Variants in MYO3A observed in about 807,000 individuals in gnomAD.
MYO3A encodes the protein myosin-IIIa.
MYO3A carries 180 observed loss-of-function variants against 192.7 expected under a neutral mutation model. That is an observed-to-expected ratio of 0.93 (90% CI 0.83 to 1.06). The LOEUF is 1.06. MYO3A is among the 50% of genes least tolerant of loss of function. MYO3A has a pLI of 0.00. For synonymous variants in MYO3A, 628 were observed against 645.3 expected (o/e 0.97, Z 0.41); for missense variants, 1,896 against 1,905.0 (o/e 1.00, Z 0.09).
Position 25,968,702 on chromosome 10 carries a change from T to G in MYO3A, c.303+13694T>G, listed in dbSNP as rs1838414201. 1.1e-4 allele frequency among the ~76,000 whole-genome samples: 16 copies of G among 152,352 alleles called. 1 individual carries two copies. The South Asian group carries it at 3.3e-3, about 32-fold the overall frequency. ...CAGTCACCTGTGGTCAACCACTGTT[T>G]GAAAATATTAAATGGGAAATTCCAG... On this transcript the variant is annotated intron_variant, in intron 4 of 34. Transcript: ENST00000642920.
chr10:26,166,182 A>ATT lies in MYO3A; in HGVS notation c.3111+5_3111+6insTT, dbSNP rs1222660060. 2 of 1,587,184 alleles carry ATT rather than the reference A, an allele frequency of 1.3e-6. No homozygotes were observed. Among genetic ancestry groups the ATT allele is most frequent in the Non-Finnish European group, 8.7e-7 (1 of 1,156,000 alleles). On this transcript the variant is annotated splice_donor_region_variant and intron_variant, in intron 27 of 34. Coordinates refer to ENST00000642920, the MANE Select transcript of MYO3A (RefSeq NM_017433.5). ...CTGGGCTCTTGGAAAAACAAAAGTA[A>ATT]TGTTTTCATGTAATTTTCAGGAAAA...
intron 10 of MYO3A, among the ~76,000 whole-genome samples, chr10:26,034,602 A>C (rs1842944263): frequency 6.6e-6 from 1 of 152,192 alleles, no homozygotes; most frequent in South Asian, 2.1e-4. Flanking sequence ...AAACTGGATA[A>C]TGATAGCTCC....
chr10:26,052,966 A>G (rs1300024674), intron 10 of MYO3A, among the ~76,000 whole-genome samples: 4 of 152,212 alleles, frequency 2.6e-5, no homozygotes, highest in Non-Finnish European at 4.4e-5. Flanking sequence ...TACAGAGTAA[A>G]TGAAAAATAT....
At position 26,146,513 on chromosome 10, in the gene MYO3A, T is replaced by C. The variant is rs139023703; in HGVS notation, c.2506-917T>C. Among the ~76,000 whole-genome samples, 446 of 152,272 alleles carry C rather than the reference T, an allele frequency of 2.9e-3. 3 individuals carry two copies. The highest frequency in any genetic ancestry group is 9.2e-3 in the African/African-American group (381 of 41,562). Reference sequence around the variant, plus strand: ...CATCTGGGAGGCCTCTCTTCCTGGCTTGAAGATGGCTACCTTCTCAAGGTG... The same window carrying C: ...CATCTGGGAGGCCTCTCTTCCTGGCCTGAAGATGGCTACCTTCTCAAGGTG... On this transcript the variant is annotated intron_variant, in intron 22 of 34. Coordinates refer to ENST00000642920, the MANE Select transcript of MYO3A (RefSeq NM_017433.5).
At chr10:26,033,411 T>C (rs1212385337) in intron 10 of MYO3A, among the ~76,000 whole-genome samples, 2 of 152,108 alleles carry the variant, frequency 1.3e-5, no homozygotes, top group Admixed American at 6.6e-5. Context: ...CCACCACTTA[T>C]CTCATTATGC....
chr10:26,150,160 T>C (rs1010995575), intron 23 of MYO3A, among the ~76,000 whole-genome samples: 3 of 152,190 alleles, frequency 2.0e-5, no homozygotes, highest in African/African-American at 7.2e-5. Flanking sequence ...GGTGAGTGAC[T>C]GATTTTTTAA....
intron 6 of MYO3A, among the ~76,000 whole-genome samples, chr10:26,006,991 T>G (rs1236478764): frequency 7.1e-6 from 1 of 141,404 alleles, no homozygotes; most frequent in Non-Finnish European, 1.5e-5. Flanking sequence ...AATAAAATAC[T>G]GGCAAACCGA....
intron 17 of MYO3A, among the ~76,000 whole-genome samples, chr10:26,109,758 G>A (rs988677364): frequency 3.9e-5 from 6 of 152,098 alleles, no homozygotes; most frequent in Admixed American, 1.3e-4. Context: ...ACTCTTTCCT[G>A]GCTACTTTTA....
chr10:26,057,010 A>C (rs1834150281), intron 10 of MYO3A, among the ~76,000 whole-genome samples: 1 of 152,220 alleles, frequency 6.6e-6, no homozygotes, highest in Non-Finnish European at 1.5e-5. Flanking sequence ...ATTTCAAGAC[A>C]GTAGATCAAT....
intron 31 of MYO3A, among the ~76,000 whole-genome samples, chr10:26,188,728 AT>A (rs1842980139): frequency 6.6e-6 from 1 of 152,184 alleles, no homozygotes. Flanking sequence ...TCCCAGCACC[AT>A]TTATTAAATA....
Position 26,003,155 on chromosome 10 carries a change from G to T in MYO3A, c.508+5897G>T, listed in dbSNP as rs186764079. Reference sequence around the variant, plus strand: ...GCCTCCTAAGATTGGTTGCTGTGAAGAATAAATGGGATGCCAGAGGCAAAC... The same window carrying T: ...GCCTCCTAAGATTGGTTGCTGTGAATAATAAATGGGATGCCAGAGGCAAAC... On this transcript the variant is annotated intron_variant, in intron 6 of 34. Coordinates refer to ENST00000642920, the MANE Select transcript of MYO3A (RefSeq NM_017433.5). Among the ~76,000 whole-genome samples the T allele has an allele frequency of 6.3e-4, 96 of 152,212 alleles. No homozygotes were observed. In the Middle Eastern group the frequency reaches 0.02, roughly 32 times the overall value.
chr10:26,080,238 TG>T, intron 14 of MYO3A, among the ~76,000 whole-genome samples: 1 of 152,300 alleles, frequency 6.6e-6, no homozygotes. Flanking sequence ...CTTTTTTCTT[TG>T]TCTTTGTTGG....
At chr10:26,104,317 G>A (rs1323099983) in intron 17 of MYO3A, among the ~76,000 whole-genome samples, 1 of 152,064 alleles carries the variant, frequency 6.6e-6, no homozygotes, top group Non-Finnish European at 1.5e-5. Flanking sequence ...TAGTTGTATA[G>A]TTTTAGCTCT....
At chr10:26,139,164 CTCT>C (rs772044597) in intron 20 of MYO3A, among the ~76,000 whole-genome samples, 13 of 152,148 alleles carry the variant, frequency 8.5e-5, no homozygotes, top group Non-Finnish European at 2.9e-5. Flanking sequence ...AAAATCTATC[CTCT>C]TAAGTAAATA....
At chr10:25,995,023 G>A (rs557265315) in intron 4 of MYO3A, among the ~76,000 whole-genome samples, 8 of 152,202 alleles carry the variant, frequency 5.3e-5, no homozygotes, top group East Asian at 1.9e-4. Flanking sequence ...TCTTTGTGGC[G>A]TTCTCTGTAT....
At chr10:26,167,681 G>A (rs1178137840) in intron 27 of MYO3A, among the ~76,000 whole-genome samples, 1 of 152,132 alleles carries the variant, frequency 6.6e-6, no homozygotes, top group African/African-American at 2.4e-5. Flanking sequence ...TAAACAGATT[G>A]AATTTTAAAT....
At chr10:26,042,583 T>G (rs941901658) in intron 10 of MYO3A, among the ~76,000 whole-genome samples, 1 of 152,190 alleles carries the variant, frequency 6.6e-6, no homozygotes, top group Admixed American at 6.5e-5. Context: ...CTTAGTCAAA[T>G]CTACTGTTAA....
chr10:26,033,883 T>G (rs1341259393), intron 10 of MYO3A, among the ~76,000 whole-genome samples: 1 of 152,054 alleles, frequency 6.6e-6, no homozygotes, highest in Non-Finnish European at 1.5e-5. Flanking sequence ...AGCAAAATCA[T>G]AAAATCAAGG....
intron 14 of MYO3A, among the ~76,000 whole-genome samples, chr10:26,075,275 TA>T (rs1257632573): frequency 2.0e-5 from 3 of 151,778 alleles, no homozygotes; most frequent in Admixed American, 6.6e-5. Context: ...AATTTTTATT[TA>T]TTTTTTTTAA....
Sources: allele counts gnomAD v4.1 joint callset (sites outside exome capture counted in the v4.1 genomes callset), GRCh38; gene constraint gnomAD v4.1.1; transcripts MANE v1.5; gene names NCBI Gene and HGNC (gene_info 2026-07-23, HGNC 2026-07-21).